STPG2: variants seen among roughly 807,000 people sequenced by gnomAD.
STPG2 encodes sperm-tail PG-rich repeat-containing protein 2.
Under a neutral mutation model 54.2 loss-of-function variants are expected in STPG2, and 56 were observed. That is an observed-to-expected ratio of 1.03 (90% CI 0.83 to 1.29). The LOEUF is 1.29. STPG2 is among the 50% of genes most tolerant of loss of function. The pLI, the probability that STPG2 is intolerant of heterozygous loss-of-function variation, is 0.00. For missense variants in STPG2, 596 were observed against 544.9 expected (o/e 1.09, Z -0.93); for synonymous variants, 200 against 181.8 (o/e 1.10, Z -0.81).
At chr4:97,920,337 A>C (rs929149688) in intron 8 of STPG2, among the ~76,000 whole-genome samples, 2 of 152,202 alleles carry the variant, frequency 1.3e-5, no homozygotes, top group African/African-American at 4.8e-5. Context: ...CTTGTTTAGA[A>C]GTCTTGGTTC....
intron 7 of STPG2, among the ~76,000 whole-genome samples, chr4:97,971,805 A>T (rs1369055590): frequency 6.6e-6 from 1 of 152,220 alleles, no homozygotes; most frequent in Non-Finnish European, 1.5e-5. Context: ...AATGAAAAAA[A>T]ATAAACAAAA....
intron 4 of STPG2, among the ~76,000 whole-genome samples, chr4:97,529,147 G>A (rs1308545033): frequency 6.6e-6 from 1 of 152,106 alleles, no homozygotes; most frequent in Non-Finnish European, 1.5e-5. Flanking sequence ...ATTATTTTGA[G>A]ATACATTCCA....
chr4:97,673,292 T>G (rs1722750026), intron 10 of STPG2, among the ~76,000 whole-genome samples: 1 of 152,188 alleles, frequency 6.6e-6, no homozygotes, highest in Non-Finnish European at 1.5e-5. Context: ...ACAAACATTT[T>G]TGTCATCTAT....
chr4:97,930,800 C>G (rs1011973233), intron 8 of STPG2, among the ~76,000 whole-genome samples: 20 of 152,282 alleles, frequency 1.3e-4, no homozygotes, highest in Admixed American at 1.2e-3. Context: ...TTGATTCTTC[C>G]TATCCATGAG....
At chr4:97,961,177 T>C (rs781342384) in intron 7 of STPG2, among the ~76,000 whole-genome samples, 1 of 151,742 alleles carries the variant, frequency 6.6e-6, no homozygotes, top group Non-Finnish European at 1.5e-5. Flanking sequence ...TCCTCATTTC[T>C]CACCTTATAC....
At chr4:97,504,757 C>T (rs1730809659) in intron 4 of STPG2, among the ~76,000 whole-genome samples, 1 of 151,884 alleles carries the variant, frequency 6.6e-6, no homozygotes, top group Admixed American at 6.6e-5. Context: ...AAAATGCACA[C>T]AAAGCAAAAA....
intron 10 of STPG2, among the ~76,000 whole-genome samples, chr4:97,675,467 GA>G (rs569097151): frequency 2.0e-5 from 3 of 152,060 alleles, no homozygotes; most frequent in South Asian, 4.1e-4. Context: ...GAAAAGAAAA[GA>G]AAAAAACTCT....
At chr4:97,667,711 A>T (rs1019675070) in intron 10 of STPG2, among the ~76,000 whole-genome samples, 4 of 152,256 alleles carry the variant, frequency 2.6e-5, no homozygotes, top group Admixed American at 2.0e-4. Context: ...GGGTATTTTG[A>T]TACTATCATA....
At chr4:97,662,753 T>G (rs376039827) in intron 10 of STPG2, among the ~76,000 whole-genome samples, 1 of 152,000 alleles carries the variant, frequency 6.6e-6, no homozygotes, top group Non-Finnish European at 1.5e-5. Flanking sequence ...CATACAGACA[T>G]AAAGATGGGA....
At chr4:97,463,699 C>G (rs890338613) in intron 4 of STPG2, 1 of 152,254 alleles carries the variant, frequency 6.6e-6, no homozygotes, top group Non-Finnish European at 1.5e-5. Flanking sequence ...ATCTGCCTGC[C>G]TTGGCCTCCC....
rs528857236 is a variant in STPG2 at position 97,740,938 on chromosome 4, GCAT to G, written c.1205-28127_1205-28125del. On this transcript the variant is annotated intron_variant, in intron 9 of 10. Transcript: ENST00000295268. ...TTAAGGCAAAAGAACAAAGCTGGAGGCATCATGCTACCTGACTTCAAACTATAC... is the reference window on the plus strand; with the variant it reads ...TTAAGGCAAAAGAACAAAGCTGGAGGCATGCTACCTGACTTCAAACTATAC... Among the ~76,000 whole-genome samples, 696 of 152,208 alleles carry G rather than the reference GCAT, an allele frequency of 4.6e-3. 6 individuals carry two copies. Among genetic ancestry groups the G allele is most frequent in the African/African-American group, 0.016 (665 of 41,496 alleles).
At chr4:97,612,072 TA>T (rs1733743797) in intron 10 of STPG2, among the ~76,000 whole-genome samples, 1 of 151,780 alleles carries the variant, frequency 6.6e-6, no homozygotes, top group Non-Finnish European at 1.5e-5. Flanking sequence ...TGAAGGTCTT[TA>T]AAAATCAAGA....
intron 9 of STPG2, among the ~76,000 whole-genome samples, chr4:97,833,876 G>A (rs962799128): frequency 1.3e-5 from 2 of 152,158 alleles, no homozygotes; most frequent in Non-Finnish European, 2.9e-5. Context: ...TGTTGGAGAG[G>A]ATGTGGAGAA....
intron 9 of STPG2, among the ~76,000 whole-genome samples, chr4:97,814,799 A>T (rs1727857119): frequency 6.6e-6 from 1 of 152,066 alleles, no homozygotes; most frequent in South Asian, 2.1e-4. Flanking sequence ...CCTGTGCTGG[A>T]TGCCTCCTGC....
chr4:98,114,575 G>C (rs950827360), intron 3 of STPG2, among the ~76,000 whole-genome samples: 8 of 151,890 alleles, frequency 5.3e-5, no homozygotes, highest in African/African-American at 1.9e-4. Flanking sequence ...CTCTTTTAAT[G>C]CAAGGATTCA....
intron 9 of STPG2, among the ~76,000 whole-genome samples, chr4:97,831,299 A>C (rs1728450003): frequency 6.6e-6 from 1 of 152,224 alleles, no homozygotes; most frequent in African/African-American, 2.4e-5. Flanking sequence ...ATGAAGGCAG[A>C]AATAAAGATG....
chr4:97,880,279 G>T (rs1048533957), intron 8 of STPG2, among the ~76,000 whole-genome samples: 8 of 152,136 alleles, frequency 5.3e-5, no homozygotes, highest in African/African-American at 9.7e-5. Flanking sequence ...ATGGGATCAG[G>T]TTCATTTGAA....
Position 97,620,487 on chromosome 4 carries a change from G to A in STPG2, c.1321-61370C>T, listed in dbSNP as rs566154160. ...TGAAGAATGTTTTTTTCAAATCAAG[G>A]GTGGCTGGTCTAATTTCAGATAAAG... is the stretch of plus-strand genomic sequence containing the variant. On this transcript the variant is annotated intron_variant, in intron 10 of 10. Coordinates refer to ENST00000295268, the MANE Select transcript of STPG2 (RefSeq NM_174952.3). 7.2e-5 allele frequency among the ~76,000 whole-genome samples: 11 copies of A among 152,160 alleles called. No homozygotes were observed. The East Asian group carries it at 1.7e-3, about 24-fold the overall frequency.
At chr4:97,994,053 T>C (rs1338790238) in intron 5 of STPG2, among the ~76,000 whole-genome samples, 1 of 152,156 alleles carries the variant, frequency 6.6e-6, no homozygotes, top group Non-Finnish European at 1.5e-5. Context: ...GTTTCATTTA[T>C]CTTTTGTATT....
Sources: allele counts gnomAD v4.1 joint callset (sites outside exome capture counted in the v4.1 genomes callset), GRCh38; gene constraint gnomAD v4.1.1; transcripts MANE v1.5; gene names NCBI Gene and HGNC (gene_info 2026-07-23, HGNC 2026-07-21).